Variants in MBNL1 observed in about 807,000 individuals in gnomAD.
The protein encoded by MBNL1 is muscleblind-like protein 1.
MBNL1 carries 8 observed loss-of-function variants against 42.2 expected under a neutral mutation model. The observed-to-expected ratio is 0.19, with a 90% CI of 0.11 to 0.34. The LOEUF is 0.34. Among genes scored for constraint, MBNL1 ranks in the 10% least tolerant of loss-of-function variants. The pLI, the probability that MBNL1 is intolerant of heterozygous loss-of-function variation, is 1.00. For synonymous variants in MBNL1, 169 were observed against 173.9 expected, an observed-to-expected ratio of 0.97 and a Z score of 0.22; for missense variants, 309 against 495.3, an observed-to-expected ratio of 0.62 and a Z score of 3.57.
chr3:152,291,860 T>C (rs931515852), intron 1 of MBNL1, among the ~76,000 whole-genome samples: 2 of 152,200 alleles, frequency 1.3e-5, no homozygotes, highest in African/African-American at 4.8e-5. Flanking sequence ...TACTGCAGTC[T>C]TGAACTCCTG....
intron 2 of MBNL1, among the ~76,000 whole-genome samples, chr3:152,380,198 T>C (rs917969652): frequency 1.3e-5 from 2 of 152,090 alleles, no homozygotes; most frequent in Non-Finnish European, 2.9e-5. Flanking sequence ...TGAAGATGCA[T>C]CATAAAGTCT....
intron 1 of MBNL1, among the ~76,000 whole-genome samples, chr3:152,297,432 C>T (rs1388220523): frequency 6.6e-6 from 1 of 151,254 alleles, no homozygotes; most frequent in Non-Finnish European, 1.5e-5. Context: ...CAACATTCAC[C>T]TCCCAGGTTC....
intron 2 of MBNL1, among the ~76,000 whole-genome samples, chr3:152,307,275 C>T (rs1185752214): frequency 6.6e-6 from 1 of 152,188 alleles, no homozygotes; most frequent in Non-Finnish European, 1.5e-5. Flanking sequence ...AGGCGTGAGT[C>T]ACCGCGCCCA....
intron 2 of MBNL1, among the ~76,000 whole-genome samples, chr3:152,309,192 A>G (rs1304111918): frequency 6.6e-6 from 1 of 152,110 alleles, no homozygotes; most frequent in Non-Finnish European, 1.5e-5. Flanking sequence ...ACAAGTGGGA[A>G]TAAAAGAACT....
intron 2 of MBNL1, among the ~76,000 whole-genome samples, chr3:152,375,325 C>A (rs545305242): frequency 1.3e-4 from 20 of 152,190 alleles, no homozygotes; most frequent in Middle Eastern, 3.2e-3. Flanking sequence ...CCATTGAAAT[C>A]ATAAATGCAC....
chr3:152,276,706 A>G (rs2045417857), intron 1 of MBNL1, among the ~76,000 whole-genome samples: 1 of 152,196 alleles, frequency 6.6e-6, no homozygotes, highest in Non-Finnish European at 1.5e-5. Context: ...GATTGGTGCT[A>G]CACTTTTGAG....
intron 6 of MBNL1, among the ~76,000 whole-genome samples, chr3:152,454,422 G>T (rs1348810487): frequency 6.6e-6 from 1 of 152,088 alleles, no homozygotes; most frequent in Non-Finnish European, 1.5e-5. Flanking sequence ...ATTTAAACAG[G>T]ATATGCTAAG....
intron 2 of MBNL1, among the ~76,000 whole-genome samples, chr3:152,385,297 T>A (rs2153434617): frequency 6.6e-6 from 1 of 152,198 alleles, no homozygotes; most frequent in East Asian, 1.9e-4. Flanking sequence ...TCTTTAATCC[T>A]CTCTGAGAGT....
At chr3:152,247,474 T>C (rs1031768673) in intron 2 of MBNL1, among the ~76,000 whole-genome samples, 3 of 151,970 alleles carry the variant, frequency 2.0e-5, no homozygotes, top group African/African-American at 7.2e-5. Flanking sequence ...TTTACAGATA[T>C]AAAGAATAAG....
intron 2 of MBNL1, among the ~76,000 whole-genome samples, chr3:152,355,331 GCC>G (rs2095435415): frequency 6.6e-6 from 1 of 152,176 alleles, no homozygotes; most frequent in Non-Finnish European, 1.5e-5. Flanking sequence ...CTAGAGCAGT[GCC>G]TGCGTCCAGT....
At chr3:152,313,126 G>A (rs568771870) in intron 2 of MBNL1, among the ~76,000 whole-genome samples, 4 of 151,922 alleles carry the variant, frequency 2.6e-5, no homozygotes, top group Admixed American at 6.6e-5. Flanking sequence ...GGGTTCAAGC[G>A]ATTCTCCTGC....
At chr3:152,343,742 G>T (rs939163791) in intron 2 of MBNL1, among the ~76,000 whole-genome samples, 2 of 152,102 alleles carry the variant, frequency 1.3e-5, no homozygotes, top group Admixed American at 6.6e-5. Context: ...TTCAATAAAT[G>T]TAGGAATAAA....
At chr3:152,407,984 GA>G in intron 2 of MBNL1, among the ~76,000 whole-genome samples, 2 of 152,120 alleles carry the variant, frequency 1.3e-5, no homozygotes, top group Admixed American at 1.3e-4. Context: ...TGGGGAGGGC[GA>G]GGCAAGAGAT....
At chr3:152,270,371 C>T (rs1004863633) in intron 1 of MBNL1, among the ~76,000 whole-genome samples, 1 of 152,152 alleles carries the variant, frequency 6.6e-6, no homozygotes, top group African/African-American at 2.4e-5. Flanking sequence ...TGAAATACTA[C>T]ACCGGTGGAC....
At chr3:152,279,108 A>G (rs973162587) in intron 1 of MBNL1, among the ~76,000 whole-genome samples, 2 of 152,122 alleles carry the variant, frequency 1.3e-5, no homozygotes, top group Non-Finnish European at 1.5e-5. Flanking sequence ...ATAAGGTGGA[A>G]GTAGTGATGA....
At chr3:152,274,677 A>G (rs1299163604) in intron 1 of MBNL1, among the ~76,000 whole-genome samples, 1 of 151,934 alleles carries the variant, frequency 6.6e-6, no homozygotes, top group Non-Finnish European at 1.5e-5. Context: ...TATAGATAAC[A>G]TTCAGATATC....
chr3:152,280,798 T>G (rs1338170804), intron 1 of MBNL1, among the ~76,000 whole-genome samples: 1 of 152,166 alleles, frequency 6.6e-6, no homozygotes, highest in African/African-American at 2.4e-5. Context: ...TAAGACCCCA[T>G]TCAGCTGTGA....
intron 1 of MBNL1, among the ~76,000 whole-genome samples, chr3:152,288,182 G>A (rs941577896): frequency 1.3e-5 from 2 of 152,158 alleles, no homozygotes; most frequent in African/African-American, 2.4e-5. Flanking sequence ...TTATTCTGTA[G>A]ACTGTTATTT....
rs397806926 is a variant in MBNL1, at chr3:152,305,488, A to ATT, written c.174+5136_174+5137dup. 5.5e-5 allele frequency among the ~76,000 whole-genome samples: 8 copies of ATT among 144,886 alleles called. No individual in the cohort carries two copies. In the South Asian group the frequency reaches 1.8e-3, roughly 32 times the overall value. ...AAGAGGTCCTATTGAGGAAATTTGA[A>ATT]TTTTTTTTTTTTTTTTAAACTTAGC... is the stretch of plus-strand genomic sequence containing the variant. On this transcript the variant is annotated intron_variant, in intron 2 of 9. Coordinates refer to ENST00000324210, the MANE Select transcript of MBNL1 (RefSeq NM_021038.5).
Sources: allele counts gnomAD v4.1 joint callset (sites outside exome capture counted in the v4.1 genomes callset), GRCh38; gene constraint gnomAD v4.1.1; transcripts MANE v1.5; gene names NCBI Gene and HGNC (gene_info 2026-07-23, HGNC 2026-07-21).